The following VPS37A variants were observed in gnomAD, a reference collection of about 807,000 sequenced individuals.
The protein encoded by VPS37A is vacuolar protein sorting-associated protein 37A.
In VPS37A, 30 loss-of-function variants were observed where a neutral mutation model predicts 49.8. That is an observed-to-expected ratio of 0.60 (90% confidence interval 0.45 to 0.82). The LOEUF (loss-of-function observed/expected upper bound fraction) is 0.82, where lower values mean the gene tolerates loss of function less well. Among genes scored for constraint, VPS37A ranks in the 40% least tolerant of loss-of-function variants. VPS37A has a pLI of 0.00. For missense variants in VPS37A, 593 were observed against 464.4 expected (o/e 1.28, Z -2.55); for synonymous variants, 195 against 160.6 (o/e 1.21, Z -1.62).
chr8:17,302,042 G>T, downstream of VPS37A: 1 of 1,421,658 alleles, frequency 7.0e-7, no homozygotes, highest in Non-Finnish European at 9.7e-7. Flanking sequence ...GTGTTCTACT[G>T]ACTAAAAATG....
rs1425106816 is a variant in VPS37A, at chr8:17,276,379, T to C, written c.643-18T>C. ...AAATAATGGCTGAAATTTAATATCATTTAAAACTTTTCTTTAGACAAGCCA... is the reference window on the plus strand; with the variant it reads ...AAATAATGGCTGAAATTTAATATCACTTAAAACTTTTCTTTAGACAAGCCA... On this transcript the variant is annotated intron_variant, in intron 5 of 11. Transcript: ENST00000324849. 1.2e-6 allele frequency: 2 copies of C among 1,604,222 alleles called. No individual in the cohort carries two copies. Among genetic ancestry groups the C allele is most frequent in the African/African-American group, 1.3e-5 (1 of 74,298 alleles).
chr8:17,313,568 T>C, the VPS37A span, among the ~76,000 whole-genome samples: 1 of 152,252 alleles, frequency 6.6e-6, no homozygotes, highest in Non-Finnish European at 1.5e-5. Context: ...CTTGATTCTA[T>C]GGAACCATTT....
rs764954328 is a variant in VPS37A at position 17,274,814 on chromosome 8, A to G, written c.498A>G (p.Ala166=). The G allele has an allele frequency of 6.2e-7, 1 of 1,614,222 alleles. No individual in the cohort carries two copies. The highest frequency in any genetic ancestry group is 1.1e-5 in the South Asian group (1 of 91,086). ...TTCCTCCATATCCTCCACAAGAAGC[A>G]AACAGGAGTATCACTTCTTTATCTG... ...PFLPPYPPQE[A]NRSITSLSVA... The change falls in exon 5 of 12, where the codon GCA becomes GCG. Residue 166 remains alanine (A), a synonymous_variant. Transcript: ENST00000324849.
At chr8:17,270,130 G>A (rs915234887) in intron 4 of VPS37A, among the ~76,000 whole-genome samples, 2 of 152,068 alleles carry the variant, frequency 1.3e-5, no homozygotes, top group Non-Finnish European at 2.9e-5. Flanking sequence ...TGGCATTAAA[G>A]TATTCATGAG....
chr8:17,333,111 G>C, the VPS37A span, among the ~76,000 whole-genome samples: 1 of 152,294 alleles, frequency 6.6e-6, no homozygotes, highest in East Asian at 1.9e-4. Flanking sequence ...TAGCAGCCCT[G>C]CTCCATGACG....
chr8:17,247,509 TG>T, intron 1 of VPS37A, 140 bp downstream of exon 1: 1 of 1,194,308 alleles, frequency 8.4e-7, no homozygotes, highest in Non-Finnish European at 1.2e-6. Flanking sequence ...GTCACACGCT[TG>T]CTCTGCCACT....
rs1814887546 is a variant in VPS37A at position 17,279,982 on chromosome 8, A to T, written c.714-46A>T. On this transcript the variant is annotated intron_variant, in intron 6 of 11. Coordinates refer to ENST00000324849, the MANE Select transcript of VPS37A (RefSeq NM_152415.3). Reference sequence around the variant, plus strand: ...TTGTAAATAGTTGTCATGGAGAAAAACTCGATGTCTGATATTTATTGACAT... The same window carrying T: ...TTGTAAATAGTTGTCATGGAGAAAATCTCGATGTCTGATATTTATTGACAT... 3 of 1,605,736 alleles carry T rather than the reference A, an allele frequency of 1.9e-6. No individual in the cohort carries two copies. The East Asian group carries it at 6.7e-5, about 36-fold the overall frequency.
chr8:17,284,080 T>A (rs1815356101), intron 9 of VPS37A, among the ~76,000 whole-genome samples: 1 of 152,214 alleles, frequency 6.6e-6, no homozygotes, highest in South Asian at 2.1e-4. Flanking sequence ...CTTATTCTAT[T>A]GAAATGAGTC....
At chr8:17,286,321 G>T (rs3793427) in intron 10 of VPS37A, 26 bp from the exon 11 acceptor site, 3 of 1,595,850 alleles carry the variant, frequency 1.9e-6, no homozygotes, top group South Asian at 2.2e-5. Flanking sequence ...AAAAGTGACT[G>T]GTATTTTCAA....
At chr8:17,309,926 A>G in the VPS37A span, among the ~76,000 whole-genome samples, 1 of 152,274 alleles carries the variant, frequency 6.6e-6, no homozygotes, top group South Asian at 2.1e-4. Flanking sequence ...GGTTAACATG[A>G]ATTTCTAAGT....
At chr8:17,262,667 G>C (rs1163792201) in intron 1 of VPS37A, among the ~76,000 whole-genome samples, 1 of 151,822 alleles carries the variant, frequency 6.6e-6, no homozygotes, top group Non-Finnish European at 1.5e-5. Flanking sequence ...ATCAAAGTGT[G>C]GTTTGTAAGA....
intron 1 of VPS37A, among the ~76,000 whole-genome samples, chr8:17,263,616 T>C (rs1022619805): frequency 6.6e-6 from 1 of 152,190 alleles, no homozygotes; most frequent in African/African-American, 2.4e-5. Context: ...ATTATTTAAA[T>C]CAAATTTATT....
chr8:17,260,799 T>C (rs1812895862), intron 1 of VPS37A, among the ~76,000 whole-genome samples: 1 of 152,196 alleles, frequency 6.6e-6, no homozygotes. Context: ...GTTGTTCCAC[T>C]CCCTTCTGGC....
chr8:17,293,120 C>G (rs1178658583), intron 11 of VPS37A, among the ~76,000 whole-genome samples: 1 of 151,988 alleles, frequency 6.6e-6, no homozygotes, highest in Non-Finnish European at 1.5e-5. Flanking sequence ...TTCACATAGT[C>G]CCATGTTTCT....
chr8:17,297,945 A>T lies in VPS37A; in HGVS notation c.*2959A>T, dbSNP rs1005101293. The T allele has an allele frequency of 6.6e-6, 1 of 152,128 alleles. No individual in the cohort carries two copies. The highest frequency in any genetic ancestry group is 1.5e-5 in the Non-Finnish European group (1 of 67,938). The allele number at this position is 152,128 out of a possible 1,614,324, so 9.4% of individuals were successfully genotyped here. On this transcript the variant is annotated 3_prime_UTR_variant, in exon 12 of 12. Transcript: ENST00000324849. ...TTATGACTCTGATATGGAAGTTGTC[A>T]TATTAAAAAACTACATTTTAAAACA...
chr8:17,318,252 G>A, the VPS37A span, among the ~76,000 whole-genome samples: 1 of 151,900 alleles, frequency 6.6e-6, no homozygotes, highest in Admixed American at 6.6e-5. Context: ...ATCATGCTCG[G>A]GCTGGGAATC....
rs1424882831 is a variant in VPS37A at position 17,268,861 on chromosome 8, A to G, written c.321A>G (p.Thr107=). The change falls in exon 4 of 12, where the codon ACA becomes ACG. Residue 107 remains threonine, a synonymous_variant. Coordinates refer to ENST00000324849, the MANE Select transcript of VPS37A (RefSeq NM_152415.3). ...YVTSPLVNNF[T]MHSDLGKIIQ... ...TCATGTATTGTTACTTTCAGTTTAC[A>G]ATGCACTCAGATCTTGGAAAAATTA... is the stretch of plus-strand genomic sequence containing the variant. 1.2e-6 allele frequency: 2 copies of G among 1,604,960 alleles called. No individual in the cohort carries two copies. The highest frequency in any genetic ancestry group is 1.3e-5 in the African/African-American group (1 of 74,664).
At chr8:17,330,001 T>A in the VPS37A span, among the ~76,000 whole-genome samples, 45 of 152,276 alleles carry the variant, frequency 3.0e-4, no homozygotes, top group African/African-American at 1.1e-3. Flanking sequence ...GGAAGACCCA[T>A]AGAAAGTATT....
chr8:17,290,601 C>A (rs1185439437), intron 11 of VPS37A, among the ~76,000 whole-genome samples: 1 of 152,156 alleles, frequency 6.6e-6, no homozygotes, highest in African/African-American at 2.4e-5. Flanking sequence ...TGAGGATTTT[C>A]GCATTGATGT....
Sources: gnomAD v4.1 joint callset for allele counts (sites outside exome capture counted in the v4.1 genomes callset) on GRCh38, gnomAD v4.1.1 for gene constraint, MANE v1.5 for transcripts, NCBI Gene and HGNC (gene_info 2026-07-23, HGNC 2026-07-21) for gene names.